SYK: variants seen among roughly 807,000 people sequenced by gnomAD.
SYK encodes spleen associated tyrosine kinase.
A neutral mutation model predicts 77.8 loss-of-function variants in SYK; 16 were observed. The ratio of observed to expected loss-of-function variants is 0.21; its 90% CI spans 0.14 to 0.31. SYK has a LOEUF of 0.31. Among genes scored for constraint, SYK ranks in the 10% least tolerant of loss-of-function variants. The pLI is 1.00. For synonymous variants in SYK, 312 were observed against 308.7 expected, an observed-to-expected ratio of 1.01 and a Z score of -0.11; for missense variants, 529 against 814.4, an observed-to-expected ratio of 0.65 and a Z score of 4.26.
At chr9:90,835,389 G>A (rs1374254150) in intron 1 of SYK, among the ~76,000 whole-genome samples, 1 of 152,180 alleles carries the variant, frequency 6.6e-6, no homozygotes, top group East Asian at 1.9e-4. Flanking sequence ...CAGCGTCACT[G>A]GGGCCGGTGC....
intron 1 of SYK, among the ~76,000 whole-genome samples, chr9:90,806,727 T>C (rs1317300999): frequency 6.6e-6 from 1 of 152,256 alleles, no homozygotes; most frequent in African/African-American, 2.4e-5. Context: ...TTTATTGTAG[T>C]ATAGAACTTT....
chr9:90,877,500 T>A, intron 9 of SYK, 71 bp from the exon 10 acceptor site: 1 of 1,530,670 alleles, frequency 6.5e-7, no homozygotes, highest in Non-Finnish European at 9.0e-7. Context: ...GGGATTATGC[T>A]TCACAGGATA....
intron 3 of SYK, among the ~76,000 whole-genome samples, chr9:90,854,118 T>G (rs570074899): frequency 1.7e-3 from 265 of 152,208 alleles, no homozygotes; most frequent in Middle Eastern, 3.4e-3. Flanking sequence ...TGCCCTGAGA[T>G]TCTATGGATG....
chr9:90,850,240 C>T (rs985329930), intron 3 of SYK, among the ~76,000 whole-genome samples: 11 of 152,170 alleles, frequency 7.2e-5, no homozygotes, highest in African/African-American at 1.9e-4. Flanking sequence ...TTATTTCGGC[C>T]GGGCATGGTG....
intron 9 of SYK, 110 bp downstream of exon 9, chr9:90,874,959 C>A: frequency 7.9e-7 from 1 of 1,267,492 alleles, no homozygotes; most frequent in Non-Finnish European, 1.1e-6. Flanking sequence ...TTTATTAATG[C>A]TACCATTCTT....
intron 3 of SYK, among the ~76,000 whole-genome samples, chr9:90,849,381 C>T (rs1361727663): frequency 1.3e-5 from 2 of 152,122 alleles, no homozygotes; most frequent in Non-Finnish European, 2.9e-5. Flanking sequence ...GTGGGCTGGC[C>T]CTTAAGAGGT....
At chr9:90,869,647 T>G (rs186281544) in intron 7 of SYK, among the ~76,000 whole-genome samples, 14 of 152,362 alleles carry the variant, frequency 9.2e-5, no homozygotes, top group Admixed American at 8.5e-4. Context: ...ACATAGTTGT[T>G]TTAATAATTC....
chr9:90,885,904 C>T (rs1452687436), intron 11 of SYK, among the ~76,000 whole-genome samples: 1 of 152,188 alleles, frequency 6.6e-6, no homozygotes, highest in Non-Finnish European at 1.5e-5. Flanking sequence ...AAGAAAAATA[C>T]TGCCACCCAA....
In SYK at chr9:90,893,465, A is replaced by G. The variant is rs1464349254; in HGVS notation, c.1836-2063A>G. On this transcript the variant is annotated intron_variant, in intron 13 of 13. Coordinates refer to ENST00000375754, the MANE Select transcript of SYK (RefSeq NM_003177.7). ...TCTCCAAGGTGATATATAGAGACAGACAGAGAGAGCGGGAGGGAGGTAGAT... is the reference window on the plus strand; with the variant it reads ...TCTCCAAGGTGATATATAGAGACAGGCAGAGAGAGCGGGAGGGAGGTAGAT... Among the ~76,000 whole-genome samples, 6 of 152,160 alleles carry G rather than the reference A, an allele frequency of 3.9e-5. No homozygotes were observed. In the South Asian group the frequency reaches 1.0e-3, roughly 26 times the overall value.
chr9:90,838,943 T>G (rs960002210), intron 1 of SYK, among the ~76,000 whole-genome samples: 2 of 152,126 alleles, frequency 1.3e-5, no homozygotes, highest in Admixed American at 6.5e-5. Flanking sequence ...CTGTCTCAGT[T>G]GGTGGGGGTG....
At chr9:90,813,266 T>A (rs1825164085) in intron 1 of SYK, among the ~76,000 whole-genome samples, 1 of 152,114 alleles carries the variant, frequency 6.6e-6, no homozygotes, top group Non-Finnish European at 1.5e-5. Flanking sequence ...CCAGAAGGGC[T>A]GTTCTTGTGA....
intron 1 of SYK, among the ~76,000 whole-genome samples, chr9:90,808,863 T>C (rs7019286): frequency 0.11 from 17,394 of 152,182 alleles, 1,066 homozygotes; most frequent in Middle Eastern, 0.21. Flanking sequence ...GATTGCCCCC[T>C]TCAGTGTGAG....
chr9:90,880,354 G>C lies in SYK; in HGVS notation c.1581+1401G>C, dbSNP rs74837185. Among the ~76,000 whole-genome samples, 940 of 152,302 alleles carry C rather than the reference G, an allele frequency of 6.2e-3. 13 individuals carry two copies. Among genetic ancestry groups the C allele is most frequent in the Non-Finnish European group, 4.8e-3 (325 of 68,016 alleles). Reference sequence around the variant, plus strand: ...CAAAGGCCAGGCGAGAGTACAGCAGGGGTCAGGCTGGCCCTCCTCACCCCA... The same window carrying C: ...CAAAGGCCAGGCGAGAGTACAGCAGCGGTCAGGCTGGCCCTCCTCACCCCA... On this transcript the variant is annotated intron_variant, in intron 11 of 13. Transcript: ENST00000375754.
At chr9:90,810,924 A>G (rs1825048078) in intron 1 of SYK, among the ~76,000 whole-genome samples, 1 of 152,180 alleles carries the variant, frequency 6.6e-6, no homozygotes. Context: ...GGGGAGGTGC[A>G]GGGCCATGGA....
At position 90,894,297 on chromosome 9, in the gene SYK, G is replaced by A. The variant is rs552913387; in HGVS notation, c.1836-1231G>A. Among the ~76,000 whole-genome samples, 37 of 152,232 alleles carry A rather than the reference G, an allele frequency of 2.4e-4. 1 individual carries two copies. The highest frequency in any genetic ancestry group is 7.0e-4 in the African/African-American group (29 of 41,540). The stretch of plus-strand genomic sequence containing the variant: ...AGGCTTGGCCACCATATCCCCTCTC[G>A]GAACACACTTGGTGGCCAGAGACAA... On this transcript the variant is annotated intron_variant, in intron 13 of 13. Transcript: ENST00000375754.
At chr9:90,879,386 G>A (rs777648809) in intron 11 of SYK, among the ~76,000 whole-genome samples, 2 of 152,166 alleles carry the variant, frequency 1.3e-5, no homozygotes, top group Admixed American at 1.3e-4. Flanking sequence ...TTCATCCATG[G>A]CATCCTTTTC....
chr9:90,886,385 T>C (rs1037517234), intron 11 of SYK, among the ~76,000 whole-genome samples: 2 of 152,194 alleles, frequency 1.3e-5, no homozygotes, highest in African/African-American at 4.8e-5. Flanking sequence ...GTATAGTCAC[T>C]ACGGAAAATA....
intron 4 of SYK, among the ~76,000 whole-genome samples, chr9:90,864,170 C>A (rs935361814): frequency 1.8e-4 from 28 of 152,206 alleles, no homozygotes; most frequent in African/African-American, 6.5e-4. Context: ...CCATAATACC[C>A]TATTTCAATA....
chr9:90,852,837 G>T (rs1826870058), intron 3 of SYK, among the ~76,000 whole-genome samples: 1 of 152,182 alleles, frequency 6.6e-6, no homozygotes, highest in South Asian at 2.1e-4. Context: ...ATAGGACTTG[G>T]CTACTGTGAG....
Sources: gnomAD v4.1 joint callset for allele counts (sites outside exome capture counted in the v4.1 genomes callset) on GRCh38, gnomAD v4.1.1 for gene constraint, MANE v1.5 for transcripts, NCBI Gene and HGNC (gene_info 2026-07-23, HGNC 2026-07-21) for gene names.